Variants in MIGA2 observed in about 807,000 individuals in gnomAD.
MIGA2 encodes mitoguardin 2.
MIGA2 carries 36 observed loss-of-function variants against 69.9 expected under a neutral mutation model. That is an observed-to-expected ratio of 0.52 (90% CI 0.39 to 0.68). MIGA2 has a LOEUF of 0.68. Among genes scored for constraint, MIGA2 ranks in the 30% least tolerant of loss-of-function variants. MIGA2 has a pLI of 0.00. For missense variants in MIGA2, 660 were observed against 787.7 expected (o/e 0.84, Z 1.94); for synonymous variants, 333 against 349.2 (o/e 0.95, Z 0.52).
intron 1 of MIGA2, among the ~76,000 whole-genome samples, chr9:129,038,239 ACC>A (rs1844700199): frequency 6.6e-6 from 1 of 151,574 alleles, no homozygotes; most frequent in Non-Finnish European, 1.5e-5. Context: ...CCTCTCACAC[ACC>A]CCCACCAGCC....
At chr9:129,063,878 A>T (rs1035363981) in intron 11 of MIGA2, among the ~76,000 whole-genome samples, 1 of 152,068 alleles carries the variant, frequency 6.6e-6, no homozygotes, top group Admixed American at 6.5e-5. Context: ...TGGCACTGGG[A>T]GGGGTTTTCC....
intron 6 of MIGA2, among the ~76,000 whole-genome samples, chr9:129,055,141 G>A (rs1201233975): frequency 6.7e-6 from 1 of 150,038 alleles, no homozygotes; most frequent in East Asian, 2.0e-4. Context: ...TCAGTGGCGC[G>A]ATCTTGGCTC....
intron 11 of MIGA2, among the ~76,000 whole-genome samples, chr9:129,064,138 C>T (rs1286051211): frequency 6.6e-6 from 1 of 152,196 alleles, no homozygotes; most frequent in Admixed American, 6.5e-5. Flanking sequence ...ACATCACTGC[C>T]AGCAATATAA....
intron 6 of MIGA2, among the ~76,000 whole-genome samples, chr9:129,053,780 G>A (rs1845666748): frequency 1.3e-5 from 2 of 152,112 alleles, no homozygotes; most frequent in African/African-American, 4.8e-5. Flanking sequence ...GAGCCAGTGA[G>A]GGAGAAGTTC....
Position 129,067,820 on chromosome 9 carries a change from C to G in MIGA2, c.1218C>G (p.Ala406=). 6.2e-7 allele frequency: 1 copy of G among 1,613,268 alleles called. No homozygotes were observed. The highest frequency in any genetic ancestry group is 8.5e-7 in the Non-Finnish European group (1 of 1,179,878). ...LESYEEMLSY[A]LRPETWATTR... is the part of the protein sequence containing the mutation. ...GCTACGAGGAGATGCTGAGCTATGC[C>G]CTGCGGCCCGAGACCTGGGCCACAA... Residue 406 remains alanine, a synonymous_variant, in exon 12 of 16, where the codon GCC becomes GCG. Transcript: ENST00000684074.
At chr9:129,041,241 A>G (rs1844888394) in intron 2 of MIGA2, among the ~76,000 whole-genome samples, 1 of 152,124 alleles carries the variant, frequency 6.6e-6, no homozygotes, top group Non-Finnish European at 1.5e-5. Flanking sequence ...AGGCTGAGAC[A>G]GAATTGCTTG....
chr9:129,040,823 G>T (rs1390732313), intron 2 of MIGA2, 133 bp downstream of exon 2: 2 of 706,558 alleles, frequency 2.8e-6, no homozygotes, highest in Middle Eastern at 2.9e-4. Context: ...CTTTGGACTG[G>T]GTTTGTTGTC....
At chr9:129,050,047 C>T in intron 6 of MIGA2, 84 bp downstream of exon 6, 1 of 1,516,664 alleles carries the variant, frequency 6.6e-7, no homozygotes, top group African/African-American at 1.4e-5. Context: ...GGGAGGCAGG[C>T]AGTCTCCTGT....
intron 1 of MIGA2, among the ~76,000 whole-genome samples, chr9:129,039,175 TTGTGTGTG>T (rs61426484): frequency 0.073 from 10,184 of 139,942 alleles, 458 homozygotes; most frequent in African/African-American, 0.12. Context: ...AGCTCTTTGT[TTGTGTGTG>T]TGTGTGTGTG....
Position 129,042,372 on chromosome 9 carries a change from T to C in MIGA2, c.165T>C (p.Thr55=), listed in dbSNP as rs1844958308. The change falls in exon 3 of 16, where the codon ACT becomes ACC. Residue 55 remains threonine, a synonymous_variant. Transcript: ENST00000684074. ...TCCTCTTTGCCACGGCCCTGGGGAC[T>C]GTGGCCCTGGCCCTGGCTGCCCACC... The part of the protein sequence containing the change: ...RKVLFATALG[T]VALALAAHQL... 2 of 1,613,570 alleles carry C rather than the reference T, an allele frequency of 1.2e-6. No homozygotes were observed. The highest frequency in any genetic ancestry group is 1.7e-5 in the Admixed American group (1 of 60,004).
In MIGA2 at chr9:129,048,411, C is replaced by T. The variant is rs558619477; in HGVS notation, c.308-16C>T. ...AGGGGATGCCTGTGTGACGCCTGCC[C>T]TTCTGCTCCTCACAGGATACTCCAG... On this transcript the variant is annotated splice_polypyrimidine_tract_variant and intron_variant, in intron 3 of 15. Transcript: ENST00000684074. The T allele has an allele frequency of 1.2e-5, 19 of 1,609,684 alleles. No individual in the cohort carries two copies. Among genetic ancestry groups the T allele is most frequent in the South Asian group, 7.7e-5 (7 of 90,976 alleles).
chr9:129,043,310 T>C (rs1845022063), intron 3 of MIGA2, among the ~76,000 whole-genome samples: 1 of 152,038 alleles, frequency 6.6e-6, no homozygotes, highest in South Asian at 2.1e-4. Context: ...TTAGGAATCA[T>C]TCAGCTGGTT....
chr9:129,062,492 A>T (rs562974205), intron 9 of MIGA2, among the ~76,000 whole-genome samples: 27 of 147,290 alleles, frequency 1.8e-4, no homozygotes, highest in African/African-American at 1.5e-4. Flanking sequence ...AGATCGTGCC[A>T]CTGCACTCTA....
chr9:129,059,898 G>T lies in MIGA2; in HGVS notation c.793+627G>T, dbSNP rs116642646. The stretch of plus-strand genomic sequence containing the variant: ...AACCGGAGTGGGTCGGCCGAGCCAC[G>T]CACCCTGCCCTGGCTTCTCCCCACG... On this transcript the variant is annotated intron_variant, in intron 7 of 15. Transcript: ENST00000684074. The surrounding 1 kb of genome is among the most constrained non-coding windows in gnomAD (Gnocchi z 5.6). Among the ~76,000 whole-genome samples, 1 of 152,106 alleles carries T rather than the reference G, an allele frequency of 6.6e-6. No homozygotes were observed. The highest frequency in any genetic ancestry group is 1.5e-5 in the Non-Finnish European group (1 of 68,008).
At chr9:129,055,179 AC>A in intron 6 of MIGA2, among the ~76,000 whole-genome samples, 1 of 149,962 alleles carries the variant, frequency 6.7e-6, no homozygotes, top group East Asian at 2.0e-4. Flanking sequence ...CTGAGTTCAT[AC>A]CATTCTCCTG....
Position 129,068,426 on chromosome 9 carries a change from G to C in MIGA2, c.1404+94G>C. 1 of 1,530,660 alleles carries C rather than the reference G, an allele frequency of 6.5e-7. No individual in the cohort carries two copies. The highest frequency in any genetic ancestry group is 8.8e-7 in the Non-Finnish European group (1 of 1,134,968). 94.8% of individuals were successfully genotyped at this position (1,530,660 alleles called of 1,614,324 possible). ...CCCTCTGTCCCTAGCACTGGCACCA[G>C]GGCTGGGCCCCCACCCCCTAGATCC... On this transcript the variant is annotated intron_variant, in intron 13 of 15. Transcript: ENST00000684074. This position sits in a 1 kb window ranked among gnomAD's most constrained non-coding sequence, Gnocchi z 4.1.
chr9:129,067,545 A>G (rs1846425059), intron 11 of MIGA2: 2 of 552,304 alleles, frequency 3.6e-6, no homozygotes, highest in Admixed American at 6.4e-5. Flanking sequence ...CACTCCTGGA[A>G]GTTAGCAGGT....
intron 6 of MIGA2, among the ~76,000 whole-genome samples, chr9:129,055,414 C>T (rs1362340472): frequency 6.6e-6 from 1 of 151,976 alleles, no homozygotes; most frequent in Admixed American, 6.6e-5. Context: ...ATGATAAAGA[C>T]TAGTATCTAC....
rs1307052568 is a variant in MIGA2 at position 129,048,428 on chromosome 9, A to G, written c.309A>G (p.Gly103=). The G allele has an allele frequency of 6.2e-7, 1 of 1,613,738 alleles. No individual in the cohort carries two copies. The highest frequency in any genetic ancestry group is 1.1e-5 in the South Asian group (1 of 91,070). ...LARKVPSVKK[G]YSSRRVQSPS... ...CGCCTGCCCTTCTGCTCCTCACAGGATACTCCAGCCGGAGAGTCCAGAGCC... is the reference window on the plus strand; with the variant it reads ...CGCCTGCCCTTCTGCTCCTCACAGGGTACTCCAGCCGGAGAGTCCAGAGCC... Residue 103 remains glycine (G), a splice_region_variant and synonymous_variant, in exon 4 of 16, where the codon GGA becomes GGG. Coordinates refer to ENST00000684074, the MANE Select transcript of MIGA2 (RefSeq NM_001329990.2).
Sources: gnomAD v4.1 joint callset for allele counts (sites outside exome capture counted in the v4.1 genomes callset) on GRCh38, gnomAD v4.1.1 for gene constraint, Gnocchi (gnomAD v3.1) non-coding constraint, MANE v1.5 for transcripts, NCBI Gene and HGNC (gene_info 2026-07-23, HGNC 2026-07-21) for gene names.